The following SDK1 variants were observed in gnomAD, a reference collection of about 807,000 sequenced individuals.
SDK1 encodes the protein protein sidekick-1.
In SDK1, 157 loss-of-function variants were observed where a neutral mutation model predicts 245.5. The ratio of observed to expected loss-of-function variants is 0.64; its 90% CI spans 0.56 to 0.73. The LOEUF (loss-of-function observed/expected upper bound fraction) is 0.73, where lower values mean the gene tolerates loss of function less well. SDK1 is among the 30% of genes least tolerant of loss of function. The pLI, the probability that SDK1 is intolerant of heterozygous loss-of-function variation, is 0.00. For synonymous variants in SDK1, 1,647 were observed against 1,278.5 expected (o/e 1.29, Z -6.15); for missense variants, 3,583 against 3,002.3 (o/e 1.19, Z -4.52).
At chr7:3,659,268 G>T (rs556860809) in intron 4 of SDK1, among the ~76,000 whole-genome samples, 2 of 152,112 alleles carry the variant, frequency 1.3e-5, no homozygotes, top group African/African-American at 4.8e-5. Context: ...AGCTGCCCTG[G>T]TCGGTACTGG....
intron 4 of SDK1, among the ~76,000 whole-genome samples, chr7:3,783,121 A>G (rs1468328504): frequency 1.3e-5 from 2 of 152,262 alleles, no homozygotes; most frequent in South Asian, 4.1e-4. Flanking sequence ...GACAAAAGCC[A>G]TGTGCTCATT....
chr7:3,800,170 G>C lies in SDK1; in HGVS notation c.714-21280G>C, dbSNP rs1008249023. 2.0e-5 allele frequency among the ~76,000 whole-genome samples: 3 copies of C among 152,250 alleles called. No individual in the cohort carries two copies. In the East Asian group the frequency reaches 5.8e-4, roughly 29 times the overall value. ...TACTGTATTAGGAAGCTTCCAGCCT[G>C]TGTGTCTAATATTATGGGGGAACAC... On this transcript the variant is annotated intron_variant, in intron 4 of 44. Transcript: ENST00000404826.
intron 4 of SDK1, among the ~76,000 whole-genome samples, chr7:3,650,793 A>G (rs1430002274): frequency 6.6e-6 from 1 of 151,184 alleles, no homozygotes; most frequent in Admixed American, 6.6e-5. Flanking sequence ...TTGTGTAGAC[A>G]GAATCATGCA....
chr7:3,685,285 A>G (rs571184140), intron 4 of SDK1, among the ~76,000 whole-genome samples: 9 of 152,248 alleles, frequency 5.9e-5, no homozygotes, highest in South Asian at 2.1e-4. Context: ...ATTCGAAACT[A>G]TGGAGGCTGG....
At chr7:3,931,147 A>AC (rs2128117385) in intron 5 of SDK1, among the ~76,000 whole-genome samples, 1 of 152,294 alleles carries the variant, frequency 6.6e-6, no homozygotes, top group South Asian at 2.1e-4. Flanking sequence ...TCGGTTCCTA[A>AC]CCAGAGGGGC....
chr7:4,158,590 G>A (rs1158458662), intron 31 of SDK1, 39 bp downstream of exon 31: 2 of 1,451,102 alleles, frequency 1.4e-6, no homozygotes, highest in East Asian at 4.5e-5. Flanking sequence ...CCTGGCCGCT[G>A]CCCCTGGAGC....
chr7:3,574,621 C>T (rs1346156852), intron 1 of SDK1, among the ~76,000 whole-genome samples: 5 of 152,068 alleles, frequency 3.3e-5, no homozygotes, highest in African/African-American at 1.2e-4. Flanking sequence ...AAAGCAAAAC[C>T]TGTAATCCCA....
At chr7:4,004,803 A>G (rs1012448048) in intron 14 of SDK1, among the ~76,000 whole-genome samples, 2 of 152,140 alleles carry the variant, frequency 1.3e-5, no homozygotes, top group Admixed American at 6.5e-5. Flanking sequence ...TATTCAGTCT[A>G]TATTTAATTT....
At chr7:3,467,164 T>C (rs1346547551) in intron 1 of SDK1, among the ~76,000 whole-genome samples, 1 of 152,180 alleles carries the variant, frequency 6.6e-6, no homozygotes, top group African/African-American at 2.4e-5. Flanking sequence ...AAAGTATTTT[T>C]ATGATCAATA....
chr7:3,423,659 C>A (rs960144740), intron 1 of SDK1, among the ~76,000 whole-genome samples: 3 of 150,954 alleles, frequency 2.0e-5, no homozygotes, highest in African/African-American at 7.3e-5. Flanking sequence ...CTATGTAACT[C>A]AGTAGTCTCT....
chr7:3,699,257 C>G (rs1784671621), intron 4 of SDK1, among the ~76,000 whole-genome samples: 1 of 152,142 alleles, frequency 6.6e-6, no homozygotes, highest in Non-Finnish European at 1.5e-5. Context: ...AATATCTCAA[C>G]TTGAATGAGG....
At chr7:3,651,084 A>AGGAGT (rs1291128051) in intron 4 of SDK1, among the ~76,000 whole-genome samples, 1 of 151,214 alleles carries the variant, frequency 6.6e-6, no homozygotes, top group Non-Finnish European at 1.5e-5. Context: ...ACACATGCCC[A>AGGAGT]GGAGTGGAAT....
chr7:4,023,420 G>A (rs977937620), intron 17 of SDK1, among the ~76,000 whole-genome samples: 2 of 152,172 alleles, frequency 1.3e-5, no homozygotes, highest in African/African-American at 4.8e-5. Context: ...AAAGGTTGGT[G>A]CTCTCACAGA....
At chr7:3,580,128 C>T (rs1197549232) in intron 1 of SDK1, among the ~76,000 whole-genome samples, 2 of 152,058 alleles carry the variant, frequency 1.3e-5, no homozygotes, top group Non-Finnish European at 2.9e-5. Flanking sequence ...AAACACTGTT[C>T]AAAGAAATCA....
At chr7:4,194,840 TCAATC>T (rs1214277433) in intron 35 of SDK1, among the ~76,000 whole-genome samples, 1 of 152,210 alleles carries the variant, frequency 6.6e-6, no homozygotes, top group Non-Finnish European at 1.5e-5. Flanking sequence ...TTTGAATCCT[TCAATC>T]CAATCAAGTT....
chr7:3,657,027 G>A (rs904794773), intron 4 of SDK1, among the ~76,000 whole-genome samples: 4 of 152,076 alleles, frequency 2.6e-5, no homozygotes, highest in African/African-American at 4.8e-5. Flanking sequence ...GATTACAGGC[G>A]TGAGCCACCG....
intron 1 of SDK1, among the ~76,000 whole-genome samples, chr7:3,421,415 T>G (rs903443513): frequency 6.6e-6 from 1 of 152,160 alleles, no homozygotes; most frequent in Admixed American, 6.6e-5. Flanking sequence ...AATTTATCAT[T>G]TGTCACTAAA....
intron 5 of SDK1, among the ~76,000 whole-genome samples, chr7:3,942,146 T>G (rs7810787): frequency 0.32 from 48,162 of 151,966 alleles, 7,731 homozygotes; most frequent in Middle Eastern, 0.43. Flanking sequence ...GACCTCATGA[T>G]CCGCCCACCC....
chr7:4,249,461 C>T (rs1583174283), intron 44 of SDK1, among the ~76,000 whole-genome samples: 1 of 152,148 alleles, frequency 6.6e-6, no homozygotes, highest in African/African-American at 2.4e-5. Flanking sequence ...TTCCTAGTGC[C>T]TTTTGGGTGA....
Sources: allele counts gnomAD v4.1 joint callset (sites outside exome capture counted in the v4.1 genomes callset), GRCh38; gene constraint gnomAD v4.1.1; transcripts MANE v1.5; gene names NCBI Gene and HGNC (gene_info 2026-07-23, HGNC 2026-07-21).